NAALADL2: variants seen among roughly 807,000 people sequenced by gnomAD.
NAALADL2 encodes inactive N-acetylated-alpha-linked acidic dipeptidase-like protein 2.
NAALADL2 carries 76 observed loss-of-function variants against 87.2 expected under a neutral mutation model. The observed-to-expected ratio is 0.87, with a 90% CI of 0.72 to 1.05. The LOEUF (loss-of-function observed/expected upper bound fraction) is 1.05, where lower values mean the gene tolerates loss of function less well. Ranked by LOEUF, NAALADL2 falls within the 50% of genes least tolerant of loss-of-function variation. NAALADL2 has a pLI of 0.00. For synonymous variants in NAALADL2, 354 were observed against 331.0 expected, an observed-to-expected ratio of 1.07 and a Z score of -0.75; for missense variants, 1,089 against 945.8, an observed-to-expected ratio of 1.15 and a Z score of -1.99.
chr3:174,740,244 C>G (rs1396040166), intron 3 of NAALADL2, among the ~76,000 whole-genome samples: 1 of 151,912 alleles, frequency 6.6e-6, no homozygotes, highest in African/African-American at 2.4e-5. Context: ...GTTGAGCTCA[C>G]TGATTCCCAA....
intron 9 of NAALADL2, among the ~76,000 whole-genome samples, chr3:175,483,265 A>G (rs780472513): frequency 1.5e-4 from 22 of 151,614 alleles, no homozygotes; most frequent in African/African-American, 4.6e-4. Context: ...GAAAGCATGC[A>G]CATAGTAAGC....
intron 1 of NAALADL2, among the ~76,000 whole-genome samples, chr3:174,972,751 T>A (rs559309547): frequency 1.3e-4 from 20 of 152,144 alleles, no homozygotes; most frequent in Non-Finnish European, 2.8e-4. Context: ...ATCCCAACAC[T>A]TTGGGAGGCC....
chr3:175,799,345 TTAAAA>T (rs748563245), intron 13 of NAALADL2, among the ~76,000 whole-genome samples: 2 of 152,066 alleles, frequency 1.3e-5, no homozygotes, highest in African/African-American at 2.4e-5. Flanking sequence ...AGCTGAATAA[TTAAAA>T]TATTTTTAAT....
intron 2 of NAALADL2, among the ~76,000 whole-genome samples, chr3:175,108,790 C>T (rs1049265342): frequency 2.0e-5 from 3 of 151,908 alleles, no homozygotes; most frequent in African/African-American, 7.2e-5. Context: ...ATATGCCTTG[C>T]TATTTCATGT....
intron 3 of NAALADL2, among the ~76,000 whole-genome samples, chr3:175,241,268 T>G (rs1746824773): frequency 6.6e-6 from 1 of 152,172 alleles, no homozygotes; most frequent in South Asian, 2.1e-4. Context: ...TTGCCCAGGC[T>G]GGAGTGCAGT....
intron 10 of NAALADL2, among the ~76,000 whole-genome samples, chr3:175,593,505 G>A (rs1453017531): frequency 6.6e-6 from 1 of 152,106 alleles, no homozygotes; most frequent in African/African-American, 2.4e-5. Context: ...CCCACAAACT[G>A]AGTGACTTAA....
At chr3:175,689,231 T>C (rs1736717573) in intron 11 of NAALADL2, among the ~76,000 whole-genome samples, 1 of 152,144 alleles carries the variant, frequency 6.6e-6, no homozygotes, top group Non-Finnish European at 1.5e-5. Context: ...GAGATCATTG[T>C]AGAAAACTTA....
intron 3 of NAALADL2, among the ~76,000 whole-genome samples, chr3:174,827,305 G>A (rs66644173): frequency 0.26 from 39,555 of 152,116 alleles, 5,754 homozygotes; most frequent in African/African-American, 0.37. Context: ...ACAGTTCTAT[G>A]GGTCAGAATT....
chr3:175,560,266 T>G (rs1481536225), intron 9 of NAALADL2, among the ~76,000 whole-genome samples: 6 of 152,298 alleles, frequency 3.9e-5, no homozygotes, highest in African/African-American at 1.4e-4. Context: ...TTCTGTAGTA[T>G]TAGTTATAAT....
At position 174,815,141 on chromosome 3, in the gene NAALADL2, GTGGTCATT is replaced by G. The variant is rs146173895; in HGVS notation, c.-9+77398_-9+77405del. Among the ~76,000 whole-genome samples, 391 of 152,316 alleles carry G rather than the reference GTGGTCATT, an allele frequency of 2.6e-3. 2 individuals carry two copies. Among genetic ancestry groups the G allele is most frequent in the African/African-American group, 9.0e-3 (376 of 41,570 alleles). On this transcript the variant is annotated intron_variant, in intron 3 of 3. Transcript: ENST00000434257. The stretch of plus-strand genomic sequence containing the variant: ...TGGGCTCACTTCTCTGTAGAAGTAA[GTGGTCATT>G]TGTTTAGCAAGGATGAAGTTTTGAT...
chr3:175,513,836 C>A (rs1731490405), intron 9 of NAALADL2, among the ~76,000 whole-genome samples: 2 of 152,294 alleles, frequency 1.3e-5, no homozygotes, highest in East Asian at 1.9e-4. Flanking sequence ...TCTCCAAGGT[C>A]AAGGAGTCCT....
At chr3:174,973,483 A>G (rs185373990) in intron 1 of NAALADL2, among the ~76,000 whole-genome samples, 148 of 152,294 alleles carry the variant, frequency 9.7e-4, no homozygotes, top group Middle Eastern at 3.4e-3. Context: ...TTATAGCTCT[A>G]ATTGATATTT....
At chr3:175,681,553 A>G (rs1371073771) in intron 11 of NAALADL2, among the ~76,000 whole-genome samples, 2 of 152,208 alleles carry the variant, frequency 1.3e-5, no homozygotes, top group East Asian at 3.9e-4. Context: ...AATCATACGC[A>G]TGTATTAATA....
intron 2 of NAALADL2, among the ~76,000 whole-genome samples, chr3:174,702,400 A>G (rs1396470272): frequency 6.6e-6 from 1 of 152,170 alleles, no homozygotes; most frequent in Non-Finnish European, 1.5e-5. Flanking sequence ...GGGCAATTAC[A>G]AAGTTTCAAG....
chr3:174,818,129 C>T (rs1355538063), intron 3 of NAALADL2, among the ~76,000 whole-genome samples: 1 of 152,142 alleles, frequency 6.6e-6, no homozygotes, highest in African/African-American at 2.4e-5. Context: ...TGTTATGCAT[C>T]TTTACCCCGT....
At chr3:175,350,772 T>G (rs1763672424) in intron 5 of NAALADL2, among the ~76,000 whole-genome samples, 1 of 152,198 alleles carries the variant, frequency 6.6e-6, no homozygotes, top group Non-Finnish European at 1.5e-5. Flanking sequence ...TCCTCCCTTT[T>G]ATTCCTCTAG....
intron 3 of NAALADL2, among the ~76,000 whole-genome samples, chr3:174,779,392 A>G (rs1216628400): frequency 2.0e-5 from 3 of 152,122 alleles, no homozygotes; most frequent in East Asian, 3.9e-4. Context: ...TCAGATGGAT[A>G]GATTGCAAAA....
Position 175,160,558 on chromosome 3 carries a change from G to A in NAALADL2, c.545+63267G>A, listed in dbSNP as rs867132371. Among the ~76,000 whole-genome samples, 69 of 151,382 alleles carry A rather than the reference G, an allele frequency of 4.6e-4. 1 individual carries two copies. Among genetic ancestry groups the A allele is most frequent in the Non-Finnish European group, 1.2e-4 (8 of 67,806 alleles). On this transcript the variant is annotated intron_variant, in intron 2 of 13. Transcript: ENST00000454872. Reference sequence around the variant, plus strand: ...ATAGAGACGGGGTTTCTCCATACTGGTCAGGCTGGTCTTGAGCTCCCAACC... The same window carrying A: ...ATAGAGACGGGGTTTCTCCATACTGATCAGGCTGGTCTTGAGCTCCCAACC...
intron 1 of NAALADL2, among the ~76,000 whole-genome samples, chr3:174,969,120 T>C (rs1250307878): frequency 6.6e-6 from 1 of 152,222 alleles, no homozygotes; most frequent in African/African-American, 2.4e-5. Context: ...TCAAATTCTT[T>C]TTATTATGCT....
Sources: allele counts gnomAD v4.1 joint callset (sites outside exome capture counted in the v4.1 genomes callset), GRCh38; gene constraint gnomAD v4.1.1; transcripts MANE v1.5; gene names NCBI Gene and HGNC (gene_info 2026-07-23, HGNC 2026-07-21).